The following MAGI1 variants were observed in gnomAD, a reference collection of about 807,000 sequenced individuals.
MAGI1 encodes membrane associated guanylate kinase, WW and PDZ domain containing 1.
MAGI1 carries 58 observed loss-of-function variants against 139.9 expected under a neutral mutation model. That is an observed-to-expected ratio of 0.41 (90% CI 0.34 to 0.52). The LOEUF is 0.52. MAGI1 is among the 20% of genes least tolerant of loss of function. The pLI, the probability that MAGI1 is intolerant of heterozygous loss-of-function variation, is 0.12. For synonymous variants in MAGI1, 812 were observed against 737.9 expected (o/e 1.10, Z -1.63); for missense variants, 1,874 against 1,901.6 (o/e 0.99, Z 0.27).
chr3:65,781,187 TTC>T (rs1472866218), intron 1 of MAGI1, among the ~76,000 whole-genome samples: 1 of 150,500 alleles, frequency 6.6e-6, no homozygotes, highest in African/African-American at 2.5e-5. Context: ...CAGATCAAGA[TTC>T]TGTCTCAAAA....
At chr3:65,559,677 G>C (rs1425695978) in intron 2 of MAGI1, among the ~76,000 whole-genome samples, 1 of 152,126 alleles carries the variant, frequency 6.6e-6, no homozygotes. Context: ...ATCAGAAAGT[G>C]GAAGCCCAGA....
intron 13 of MAGI1, among the ~76,000 whole-genome samples, chr3:65,400,390 T>C (rs1944764177): frequency 6.6e-6 from 1 of 152,170 alleles, no homozygotes; most frequent in Non-Finnish European, 1.5e-5. Flanking sequence ...CTGCCAGGCT[T>C]GGAGACAGGT....
At chr3:65,859,808 C>T (rs551442548) in intron 1 of MAGI1, among the ~76,000 whole-genome samples, 1 of 152,096 alleles carries the variant, frequency 6.6e-6, no homozygotes, top group South Asian at 2.1e-4. Context: ...TCCAGTCTAC[C>T]TGAGTCAGCA....
chr3:66,000,450 TA>T (rs11325792), intron 1 of MAGI1, among the ~76,000 whole-genome samples: 3,460 of 150,204 alleles, frequency 0.023, 112 homozygotes, highest in African/African-American at 0.073. Context: ...ACGCAGGGTT[TA>T]AAAAAAAAAA....
At chr3:65,864,788 C>T (rs1324205669) in intron 1 of MAGI1, among the ~76,000 whole-genome samples, 1 of 152,172 alleles carries the variant, frequency 6.6e-6, no homozygotes, top group South Asian at 2.1e-4. Context: ...CCTGCCTACT[C>T]AACCTGCCAC....
chr3:65,758,901 T>C (rs2036773462), intron 1 of MAGI1, among the ~76,000 whole-genome samples: 2 of 152,198 alleles, frequency 1.3e-5, no homozygotes, highest in South Asian at 4.1e-4. Flanking sequence ...AAATGTTTAC[T>C]TAGTCCCCAC....
At chr3:65,970,760 A>G (rs1193388898) in intron 1 of MAGI1, among the ~76,000 whole-genome samples, 1 of 152,230 alleles carries the variant, frequency 6.6e-6, no homozygotes, top group African/African-American at 2.4e-5. Context: ...GAAGTTTGTT[A>G]CACAGCATGT....
At chr3:65,864,174 C>A (rs1222233969) in intron 1 of MAGI1, among the ~76,000 whole-genome samples, 1 of 152,000 alleles carries the variant, frequency 6.6e-6, no homozygotes, top group Non-Finnish European at 1.5e-5. Flanking sequence ...AAAGGTTATA[C>A]CCATCTGTCA....
At chr3:65,894,838 T>C (rs2060907148) in intron 1 of MAGI1, among the ~76,000 whole-genome samples, 1 of 152,238 alleles carries the variant, frequency 6.6e-6, no homozygotes, top group African/African-American at 2.4e-5. Context: ...TCTTCTGGCA[T>C]GGGAAATTTC....
chr3:65,471,333 A>G (rs1454640877), intron 4 of MAGI1, among the ~76,000 whole-genome samples: 3 of 152,182 alleles, frequency 2.0e-5, no homozygotes, highest in Admixed American at 2.0e-4. Flanking sequence ...GGGCTTTAAA[A>G]CTGAATAATC....
intron 1 of MAGI1, among the ~76,000 whole-genome samples, chr3:65,917,746 G>T (rs936754492): frequency 2.0e-5 from 3 of 152,152 alleles, no homozygotes; most frequent in Non-Finnish European, 4.4e-5. Context: ...GCAAAACGAT[G>T]GAGACAGTAA....
chr3:65,408,488 G>T (rs780005641), intron 12 of MAGI1, among the ~76,000 whole-genome samples: 1 of 152,070 alleles, frequency 6.6e-6, no homozygotes, highest in South Asian at 2.1e-4. Flanking sequence ...GATTATCGAG[G>T]CAAAGTCACA....
At chr3:65,980,044 C>T (rs1256847735) in intron 1 of MAGI1, among the ~76,000 whole-genome samples, 1 of 152,152 alleles carries the variant, frequency 6.6e-6, no homozygotes, top group Admixed American at 6.5e-5. Context: ...GCAACCGACA[C>T]ATCTGGATGA....
At chr3:65,947,878 A>C (rs1248031374) in intron 1 of MAGI1, among the ~76,000 whole-genome samples, 1 of 151,764 alleles carries the variant, frequency 6.6e-6, no homozygotes, top group African/African-American at 2.4e-5. Flanking sequence ...CAGCCTCCCA[A>C]AGTGCTGGGA....
chr3:65,573,206 C>G (rs2081035041), intron 2 of MAGI1, among the ~76,000 whole-genome samples: 1 of 151,958 alleles, frequency 6.6e-6, no homozygotes, highest in Non-Finnish European at 1.5e-5. Context: ...TTATACAACT[C>G]ATTTTTTCTA....
intron 1 of MAGI1, among the ~76,000 whole-genome samples, chr3:65,693,323 A>G (rs1316834541): frequency 6.6e-6 from 1 of 152,184 alleles, no homozygotes; most frequent in African/African-American, 2.4e-5. Context: ...ACTAAGACAG[A>G]GGCTAAAACT....
intron 2 of MAGI1, among the ~76,000 whole-genome samples, chr3:65,530,927 G>A (rs776228687): frequency 1.1e-4 from 16 of 149,044 alleles, no homozygotes; most frequent in South Asian, 4.2e-4. Flanking sequence ...GTTGGAATCC[G>A]CATTGGCTCT....
At chr3:65,731,793 G>C (rs1324012931) in intron 1 of MAGI1, among the ~76,000 whole-genome samples, 1 of 152,052 alleles carries the variant, frequency 6.6e-6, no homozygotes, top group East Asian at 1.9e-4. Context: ...TTTATCCCCA[G>C]GATTCGAAGA....
At chr3:65,957,580 G>A (rs2064197102) in intron 1 of MAGI1, among the ~76,000 whole-genome samples, 1 of 151,260 alleles carries the variant, frequency 6.6e-6, no homozygotes, top group African/African-American at 2.4e-5. Flanking sequence ...ATGCGACATG[G>A]ACAAATCTCA....
Sources: allele counts gnomAD v4.1 joint callset (sites outside exome capture counted in the v4.1 genomes callset), GRCh38; gene constraint gnomAD v4.1.1; transcripts MANE v1.5; gene names NCBI Gene and HGNC (gene_info 2026-07-23, HGNC 2026-07-21).